Variants in FMN1 observed in about 807,000 individuals in gnomAD.
The protein encoded by FMN1 is formin 1.
Under a neutral mutation model 132.4 loss-of-function variants are expected in FMN1, and 110 were observed. The ratio of observed to expected loss-of-function variants is 0.83; its 90% CI spans 0.71 to 0.97. The LOEUF is 0.97. Ranked by LOEUF, FMN1 falls within the 50% of genes least tolerant of loss-of-function variation. The pLI is 0.00. For missense variants in FMN1, 1,792 were observed against 1,705.3 expected, an observed-to-expected ratio of 1.05 and a Z score of -0.90; for synonymous variants, 722 against 651.7, an observed-to-expected ratio of 1.11 and a Z score of -1.64.
At chr15:33,038,738 A>T (rs1041586942) in intron 6 of FMN1, among the ~76,000 whole-genome samples, 1 of 152,228 alleles carries the variant, frequency 6.6e-6, no homozygotes, top group African/African-American at 2.4e-5. Flanking sequence ...ACACTTGAGC[A>T]AAGTATCATA....
At chr15:33,116,934 A>G (rs1029905097) in intron 4 of FMN1, among the ~76,000 whole-genome samples, 1 of 135,710 alleles carries the variant, frequency 7.4e-6, no homozygotes, top group African/African-American at 2.6e-5. Flanking sequence ...AGCACTCAAT[A>G]AATGCTTATT....
chr15:32,937,569 C>A (rs924914493), intron 9 of FMN1, among the ~76,000 whole-genome samples: 7 of 152,216 alleles, frequency 4.6e-5, no homozygotes, highest in Admixed American at 3.9e-4. Flanking sequence ...CCCCCTTTCC[C>A]ACTTTTAGTT....
chr15:33,029,369 A>G (rs1295432837), intron 6 of FMN1, among the ~76,000 whole-genome samples: 1 of 152,148 alleles, frequency 6.6e-6, no homozygotes. Flanking sequence ...AATGAGGTCA[A>G]ATGCTCAGGG....
intron 2 of FMN1, among the ~76,000 whole-genome samples, chr15:33,185,202 TG>T (rs1277054505): frequency 6.6e-6 from 1 of 152,168 alleles, no homozygotes; most frequent in Non-Finnish European, 1.5e-5. Flanking sequence ...ACACAACAGT[TG>T]CATAGTCGTA....
intron 15 of FMN1, among the ~76,000 whole-genome samples, chr15:32,892,057 T>C (rs2060044758): frequency 6.6e-6 from 1 of 151,860 alleles, no homozygotes; most frequent in African/African-American, 2.4e-5. Context: ...TTCTTTCTCT[T>C]GTCTGATTGC....
intron 5 of FMN1, among the ~76,000 whole-genome samples, chr15:33,088,210 T>TA (rs560420437): frequency 1.4e-4 from 21 of 151,984 alleles, no homozygotes; most frequent in Admixed American, 1.2e-3. Context: ...CTATTGAAAT[T>TA]AAAAAAATTT....
chr15:33,010,650 T>C (rs181994324), intron 6 of FMN1, among the ~76,000 whole-genome samples: 24 of 152,240 alleles, frequency 1.6e-4, no homozygotes, highest in African/African-American at 5.8e-4. Flanking sequence ...AGGAAGGTAT[T>C]ATTCTCTATG....
intron 4 of FMN1, among the ~76,000 whole-genome samples, chr15:33,097,612 C>G (rs2039138105): frequency 6.6e-6 from 1 of 152,064 alleles, no homozygotes; most frequent in Admixed American, 6.6e-5. Context: ...AGTGTCGAAA[C>G]CACCTTAGGG....
chr15:33,067,999 G>C (rs537290194), intron 5 of FMN1: 755 of 1,460,210 alleles, frequency 5.2e-4, no homozygotes, highest in Non-Finnish European at 6.5e-4. Context: ...GGACCCGGGA[G>C]TCAGGCTGTC....
chr15:32,810,518 T>C (rs562070161), intron 17 of FMN1, among the ~76,000 whole-genome samples: 20 of 152,352 alleles, frequency 1.3e-4, no homozygotes, highest in East Asian at 7.7e-4. Context: ...CTTTAAAATA[T>C]ACTATTTTCC....
intron 5 of FMN1, among the ~76,000 whole-genome samples, chr15:33,086,879 AGT>A (rs1208480561): frequency 6.6e-6 from 1 of 152,242 alleles, no homozygotes. Context: ...AATGACATAC[AGT>A]GACCATGGTT....
intron 4 of FMN1, among the ~76,000 whole-genome samples, chr15:33,100,223 T>TAAAAAAAAAAAAAAAAA (rs61200336): frequency 8.7e-6 from 1 of 115,468 alleles, no homozygotes; most frequent in Non-Finnish European, 1.9e-5. Flanking sequence ...ACTTTCACAG[T>TAAAAAAAAAAAAAAAAA]AAAAAAAAAA....
intron 4 of FMN1, among the ~76,000 whole-genome samples, chr15:33,133,124 T>C (rs901527835): frequency 3.9e-5 from 6 of 152,188 alleles, no homozygotes; most frequent in Non-Finnish European, 7.3e-5. Flanking sequence ...TACATAGAAC[T>C]GTGTGTCCCT....
intron 7 of FMN1, among the ~76,000 whole-genome samples, chr15:32,970,988 T>G (rs897294423): frequency 1.3e-5 from 2 of 152,202 alleles, no homozygotes; most frequent in Non-Finnish European, 2.9e-5. Flanking sequence ...CACCGTCTAT[T>G]TCTCGTGCAG....
Position 32,962,419 on chromosome 15 carries a change from G to A in FMN1, c.3138+1688C>T, listed in dbSNP as rs1008752663. On this transcript the variant is annotated intron_variant, in intron 9 of 20. Coordinates refer to ENST00000616417, the MANE Select transcript of FMN1 (RefSeq NM_001277313.2). The stretch of plus-strand genomic sequence containing the variant: ...AGAAAACCTAGGCATTACCATTCAG[G>A]ACATAGGCATGGGCAACGACTTCAT... Among the ~76,000 whole-genome samples the A allele has an allele frequency of 1.3e-4, 20 of 151,862 alleles. 1 individual carries two copies. Among genetic ancestry groups the A allele is most frequent in the Admixed American group, 1.0e-3 (16 of 15,270 alleles).
At chr15:33,036,018 C>T (rs1258826294) in intron 6 of FMN1, among the ~76,000 whole-genome samples, 2 of 152,156 alleles carry the variant, frequency 1.3e-5, no homozygotes, top group Non-Finnish European at 2.9e-5. Context: ...CACACCACCT[C>T]GGGACTCCTC....
intron 6 of FMN1, among the ~76,000 whole-genome samples, chr15:33,036,683 A>G (rs2036207590): frequency 6.6e-6 from 1 of 152,232 alleles, no homozygotes; most frequent in Non-Finnish European, 1.5e-5. Flanking sequence ...CAAAATATGG[A>G]TAATTACCTA....
intron 6 of FMN1, among the ~76,000 whole-genome samples, chr15:33,047,677 T>C (rs2036751482): frequency 6.6e-6 from 1 of 152,332 alleles, no homozygotes; most frequent in South Asian, 2.1e-4. Context: ...TATCAGGAAA[T>C]GACTTTGAAG....
chr15:33,115,685 C>T (rs893556581), intron 4 of FMN1, among the ~76,000 whole-genome samples: 3 of 152,028 alleles, frequency 2.0e-5, no homozygotes, highest in Non-Finnish European at 2.9e-5. Context: ...TTGCCTGTTT[C>T]CTCTAAACCT....
Sources: allele counts gnomAD v4.1 joint callset (sites outside exome capture counted in the v4.1 genomes callset), GRCh38; gene constraint gnomAD v4.1.1; transcripts MANE v1.5; gene names NCBI Gene and HGNC (gene_info 2026-07-23, HGNC 2026-07-21).